Variants in POU2F1 observed in about 807,000 individuals in gnomAD.
POU2F1 encodes the protein POU class 2 homeobox 1, also known as POU domain, class 2, transcription factor 1.
A neutral mutation model predicts 84.9 loss-of-function variants in POU2F1; 16 were observed. The ratio of observed to expected loss-of-function variants is 0.19; its 90% CI spans 0.13 to 0.29. The LOEUF is 0.29. POU2F1 is among the 10% of genes least tolerant of loss of function. The pLI, the probability that POU2F1 is intolerant of heterozygous loss-of-function variation, is 1.00. For synonymous variants in POU2F1, 368 were observed against 368.3 expected (o/e 1.00, Z 0.01); for missense variants, 738 against 942.6 (o/e 0.78, Z 2.84).
At position 167,358,737 on chromosome 1, in the gene POU2F1, T is replaced by TTTTTTTG. The variant is rs71097670; in HGVS notation, c.128-6730_128-6729insTTTTTTG. ...GCAGCTTTTTTTTTTTTTTTTTTTT[T>TTTTTTTG]GAGACAGGTTCTGACTGTGCTGCTC... On this transcript the variant is annotated intron_variant, in intron 2 of 15. Coordinates refer to ENST00000367866, the MANE Select transcript of POU2F1 (RefSeq NM_002697.4). 4.0e-3 allele frequency among the ~76,000 whole-genome samples: 354 copies of TTTTTTTG among 88,768 alleles called. 50 individuals are homozygous for TTTTTTTG. Among genetic ancestry groups the TTTTTTTG allele is most frequent in the African/African-American group, 0.011 (312 of 27,380 alleles). The allele number at this position is 88,768 out of a possible 152,430, so 58.2% of individuals were successfully genotyped here.
intron 1 of POU2F1, among the ~76,000 whole-genome samples, chr1:167,260,028 G>A (rs1347361000): frequency 6.6e-6 from 1 of 151,924 alleles, no homozygotes; most frequent in Admixed American, 6.5e-5. Context: ...ACAGGCACCC[G>A]CCACCACGCC....
chr1:167,404,874 C>T (rs1571454829), intron 13 of POU2F1, among the ~76,000 whole-genome samples: 1 of 152,272 alleles, frequency 6.6e-6, no homozygotes, highest in East Asian at 1.9e-4. Flanking sequence ...ATCTCAAAAC[C>T]TCTGATACCT....
Position 167,358,737 on chromosome 1 carries a change from T to TTTTTTTTTTTTTTTTTTTTTG in POU2F1, c.128-6730_128-6729insTTTTTTTTTTTTTTTTTTTTG, listed in dbSNP as rs71097670. ...GCAGCTTTTTTTTTTTTTTTTTTTT[T>TTTTTTTTTTTTTTTTTTTTTG]GAGACAGGTTCTGACTGTGCTGCTC... On this transcript the variant is annotated intron_variant, in intron 2 of 15. Transcript: ENST00000367866. Among the ~76,000 whole-genome samples the TTTTTTTTTTTTTTTTTTTTTG allele has an allele frequency of 5.6e-5, 5 of 88,832 alleles. 1 individual carries two copies. The highest frequency in any genetic ancestry group is 7.3e-5 in the African/African-American group (2 of 27,438). 58.3% of individuals were successfully genotyped at this position (88,832 alleles called of 152,430 possible).
intron 7 of POU2F1, among the ~76,000 whole-genome samples, chr1:167,376,754 A>T (rs1015301313): frequency 3.9e-5 from 6 of 152,138 alleles, no homozygotes; most frequent in African/African-American, 1.4e-4. Context: ...ATGATTCTTT[A>T]TTATTTCTGA....
chr1:167,298,590 G>T (rs906966484), intron 1 of POU2F1, among the ~76,000 whole-genome samples: 1 of 151,964 alleles, frequency 6.6e-6, no homozygotes, highest in Non-Finnish European at 1.5e-5. Context: ...ATTTCCTGGG[G>T]TGGTTTGTAT....
chr1:167,349,119 C>T (rs151106320), intron 2 of POU2F1, among the ~76,000 whole-genome samples: 260 of 152,174 alleles, frequency 1.7e-3, no homozygotes, highest in Middle Eastern at 0.01. Flanking sequence ...AACGTGGCCA[C>T]GGTGTCTTCT....
intron 1 of POU2F1, among the ~76,000 whole-genome samples, chr1:167,312,442 C>T (rs187609476): frequency 6.6e-5 from 10 of 151,846 alleles, no homozygotes; most frequent in Admixed American, 5.2e-4. Context: ...GTTGGCCAGG[C>T]GGGTCTCGAA....
intron 1 of POU2F1, among the ~76,000 whole-genome samples, chr1:167,234,192 T>C (rs1006180354): frequency 6.6e-6 from 1 of 152,208 alleles, no homozygotes; most frequent in Non-Finnish European, 1.5e-5. Context: ...ATTTAACAGC[T>C]GTTATTCTGA....
At chr1:167,272,729 C>T (rs1206377668) in intron 1 of POU2F1, among the ~76,000 whole-genome samples, 1 of 152,176 alleles carries the variant, frequency 6.6e-6, no homozygotes, top group Non-Finnish European at 1.5e-5. Context: ...TTCCAGGCCC[C>T]TCATCCAACA....
At chr1:167,221,542 C>T (rs1648181778) in intron 1 of POU2F1, among the ~76,000 whole-genome samples, 2 of 148,932 alleles carry the variant, frequency 1.3e-5, no homozygotes, top group South Asian at 2.1e-4. Flanking sequence ...CGTCTTCCCC[C>T]GGGAGCGGGC....
chr1:167,332,998 T>G (rs765558700), intron 2 of POU2F1, among the ~76,000 whole-genome samples: 8 of 152,224 alleles, frequency 5.3e-5, no homozygotes, highest in Non-Finnish European at 5.9e-5. Context: ...AAAATGTTTT[T>G]TCTTACAGAT....
intron 1 of POU2F1, among the ~76,000 whole-genome samples, chr1:167,230,534 A>T (rs577861611): frequency 1.2e-4 from 18 of 152,194 alleles, no homozygotes; most frequent in Non-Finnish European, 2.4e-4. Context: ...AGGCACTTTC[A>T]CAGGGTCCTT....
At chr1:167,225,431 A>G (rs568623243) in intron 1 of POU2F1, among the ~76,000 whole-genome samples, 17 of 152,304 alleles carry the variant, frequency 1.1e-4, no homozygotes, top group African/African-American at 3.8e-4. Flanking sequence ...CTCTACATCA[A>G]TAGGTAGTAT....
chr1:167,314,428 T>C (rs1655732445), intron 1 of POU2F1, among the ~76,000 whole-genome samples: 1 of 152,164 alleles, frequency 6.6e-6, no homozygotes, highest in Non-Finnish European at 1.5e-5. Flanking sequence ...TCTCACATTG[T>C]TTGTGGGAAT....
chr1:167,253,376 GCCCC>G (rs57789204), intron 1 of POU2F1, among the ~76,000 whole-genome samples: 2,669 of 121,604 alleles, frequency 0.022, 315 homozygotes, highest in African/African-American at 0.093. Flanking sequence ...TTATTTTTCT[GCCCC>G]CCCCCCCCCA....
chr1:167,360,087 A>T (rs780758875), intron 2 of POU2F1, among the ~76,000 whole-genome samples: 3 of 151,502 alleles, frequency 2.0e-5, no homozygotes, highest in Non-Finnish European at 4.4e-5. Context: ...TTGGATGCAC[A>T]GTTTGCTAAT....
intron 15 of POU2F1, among the ~76,000 whole-genome samples, chr1:167,414,089 G>A (rs1327848633): frequency 6.6e-6 from 1 of 151,948 alleles, no homozygotes; most frequent in East Asian, 1.9e-4. Flanking sequence ...TATTTCACAG[G>A]TAATATCTCT....
At chr1:167,296,514 G>A (rs34995918) in intron 1 of POU2F1, among the ~76,000 whole-genome samples, 16,261 of 152,068 alleles carry the variant, frequency 0.11, 2,158 homozygotes, top group African/African-American at 0.32. Context: ...ATTACACAGC[G>A]TTGCACTCCA....
chr1:167,372,532 C>G (rs1056848491), intron 5 of POU2F1, among the ~76,000 whole-genome samples: 3 of 152,210 alleles, frequency 2.0e-5, no homozygotes, highest in African/African-American at 4.8e-5. Context: ...TACTTCATTT[C>G]CCTCTACCTG....
Sources: allele counts gnomAD v4.1 joint callset (sites outside exome capture counted in the v4.1 genomes callset), GRCh38; gene constraint gnomAD v4.1.1; transcripts MANE v1.5; gene names NCBI Gene and HGNC (gene_info 2026-07-23, HGNC 2026-07-21).